ST3GAL4: variants seen among roughly 807,000 people sequenced by gnomAD.
ST3GAL4 encodes ST3 beta-galactoside alpha-2,3-sialyltransferase 4, also known as CMP-N-acetylneuraminate-beta-galactosamide-alpha-2,3-sialyltransferase 4.
A neutral mutation model predicts 42.6 loss-of-function variants in ST3GAL4; 24 were observed. That is an observed-to-expected ratio of 0.56 (90% confidence interval 0.41 to 0.79). The LOEUF is 0.79. ST3GAL4 is among the 30% of genes least tolerant of loss of function. The pLI, the probability that ST3GAL4 is intolerant of heterozygous loss-of-function variation, is 0.00. For missense variants in ST3GAL4, 311 were observed against 430.8 expected (o/e 0.72, Z 2.46); for synonymous variants, 135 against 163.2 (o/e 0.83, Z 1.32).
rs34002567 is a variant in ST3GAL4, at chr11:126,392,960, CT to C, written c.-60-13118del. Among the ~76,000 whole-genome samples the C allele has an allele frequency of 0.17, 21,512 of 127,658 alleles. 2,013 individuals carry two copies. The highest frequency in any genetic ancestry group is 0.42 in the East Asian group (1,840 of 4,348). The allele number at this position is 127,658 out of a possible 152,430, so 83.7% of individuals were successfully genotyped here. On this transcript the variant is annotated intron_variant, in intron 1 of 10. Transcript: ENST00000444328. The surrounding 1 kb of genome is among the most constrained non-coding windows in gnomAD (Gnocchi z 5.8). ...ATTTGTAACACGACCAACTCCTGTTCTTTTTTTTTTTTTTTTTTGAGACAGG... is the reference window on the plus strand; with the variant it reads ...ATTTGTAACACGACCAACTCCTGTTCTTTTTTTTTTTTTTTTTGAGACAGG...
chr11:126,381,973 C>T (rs1301935397), intron 1 of ST3GAL4, among the ~76,000 whole-genome samples: 1 of 152,122 alleles, frequency 6.6e-6, no homozygotes, highest in Admixed American at 6.5e-5. Context: ...CCCGGGCCCC[C>T]TCCCAGCCCA....
chr11:126,406,907 C>T lies in ST3GAL4; in HGVS notation c.102-36C>T. On this transcript the variant is annotated intron_variant, in intron 3 of 10. Coordinates refer to ENST00000444328, the MANE Select transcript of ST3GAL4 (RefSeq NM_001254757.2). This position sits in a 1 kb window ranked among gnomAD's most constrained non-coding sequence, Gnocchi z 5.4. ...CTGGAACATGGGTCCCTGGGTCTGA[C>T]TGGGGCTTCTGCCTCCTGTCCTTTT... The T allele has an allele frequency of 6.3e-7, 1 of 1,591,040 alleles. No homozygotes were observed. Among genetic ancestry groups the T allele is most frequent in the Non-Finnish European group, 8.6e-7 (1 of 1,159,842 alleles).
chr11:126,363,008 C>T lies in ST3GAL4; in HGVS notation c.-61+7166C>T, dbSNP rs1952299345. ...CTGCCTCTCCAGCCCCTACCTTATGCCTGGCCCATTCAGCTGGTCTGTTCT... is the reference window on the plus strand; with the variant it reads ...CTGCCTCTCCAGCCCCTACCTTATGTCTGGCCCATTCAGCTGGTCTGTTCT... On this transcript the variant is annotated intron_variant, in intron 1 of 10. Coordinates refer to ENST00000444328, the MANE Select transcript of ST3GAL4 (RefSeq NM_001254757.2). This position sits in a 1 kb window ranked among gnomAD's most constrained non-coding sequence, Gnocchi z 4.6. Among the ~76,000 whole-genome samples, 1 of 152,222 alleles carries T rather than the reference C, an allele frequency of 6.6e-6. No individual in the cohort carries two copies. Among genetic ancestry groups the T allele is most frequent in the Admixed American group, 6.5e-5 (1 of 15,282 alleles).
rs1952411321 is a variant in ST3GAL4, at chr11:126,366,011, T to G, written c.-61+10169T>G. Among the ~76,000 whole-genome samples, 1 of 152,134 alleles carries G rather than the reference T, an allele frequency of 6.6e-6. No individual in the cohort carries two copies. On this transcript the variant is annotated intron_variant, in intron 1 of 10. Transcript: ENST00000444328. This position sits in a 1 kb window ranked among gnomAD's most constrained non-coding sequence, Gnocchi z 4.2. Reference sequence around the variant, plus strand: ...GGGTCTCCTCTCAGGTGCCAGAATCTTTCTGGGAGCTGAGCCTGGCTGGGC... The same window carrying G: ...GGGTCTCCTCTCAGGTGCCAGAATCGTTCTGGGAGCTGAGCCTGGCTGGGC...
At chr11:126,372,041 A>G (rs1006559371) in intron 1 of ST3GAL4, among the ~76,000 whole-genome samples, 1 of 152,156 alleles carries the variant, frequency 6.6e-6, no homozygotes, top group African/African-American at 2.4e-5. Context: ...GGTGGTGGTT[A>G]TGATAAAATG....
chr11:126,357,637 G>A (rs1952114788), intron 1 of ST3GAL4, among the ~76,000 whole-genome samples: 1 of 152,164 alleles, frequency 6.6e-6, no homozygotes. Context: ...CTAAGAATCT[G>A]CTCCTTTCTG....
chr11:126,406,262 G>A lies in ST3GAL4; in HGVS notation c.16+91G>A. 1 of 1,548,992 alleles carries A rather than the reference G, an allele frequency of 6.5e-7. No homozygotes were observed. Among genetic ancestry groups the A allele is most frequent in the Non-Finnish European group, 8.7e-7 (1 of 1,146,492 alleles). On this transcript the variant is annotated intron_variant, in intron 2 of 10. Transcript: ENST00000444328. This position sits in a 1 kb window ranked among gnomAD's most constrained non-coding sequence, Gnocchi z 5.4. Reference sequence around the variant, plus strand: ...CCTGGGACCTCTGGGGGCTGTGGAGGGACAGACAGGGAGCCAGGGGCCCTT... The same window carrying A: ...CCTGGGACCTCTGGGGGCTGTGGAGAGACAGACAGGGAGCCAGGGGCCCTT...
At chr11:126,403,452 T>G (rs1954096137) in intron 1 of ST3GAL4, 1 of 985,292 alleles carries the variant, frequency 1.0e-6, no homozygotes, top group Admixed American at 6.1e-5. Context: ...TTGTAGTGTT[T>G]CCCGCCCAGG....
chr11:126,361,739 C>T (rs1483899000), intron 1 of ST3GAL4, among the ~76,000 whole-genome samples: 1 of 152,024 alleles, frequency 6.6e-6, no homozygotes, highest in African/African-American at 2.4e-5. Flanking sequence ...GGGGGTAGTG[C>T]CTGAGGTGGT....
intron 10 of ST3GAL4, among the ~76,000 whole-genome samples, 156 bp downstream of exon 10, chr11:126,413,804 A>G (rs181171610): frequency 5.3e-5 from 8 of 152,304 alleles, no homozygotes; most frequent in Admixed American, 4.6e-4. Context: ...AGCATCCTCC[A>G]TGTTCAGCCA....
chr11:126,391,566 G>C lies in ST3GAL4; in HGVS notation c.-60-14530G>C, dbSNP rs1953514253. ...TTCTCCTACCTAACCCCAAGAATGA[G>C]TCCTTGAGTCTGTCTCAGTAGGTGG... On this transcript the variant is annotated intron_variant, in intron 1 of 10. Coordinates refer to ENST00000444328, the MANE Select transcript of ST3GAL4 (RefSeq NM_001254757.2). This position sits in a 1 kb window ranked among gnomAD's most constrained non-coding sequence, Gnocchi z 5.5. 6.6e-6 allele frequency among the ~76,000 whole-genome samples: 1 copy of C among 152,190 alleles called. No individual in the cohort carries two copies. The highest frequency in any genetic ancestry group is 1.9e-4 in the East Asian group (1 of 5,192).
At chr11:126,401,557 G>GAAA (rs751880802) in intron 1 of ST3GAL4, among the ~76,000 whole-genome samples, 1 of 123,874 alleles carries the variant, frequency 8.1e-6, no homozygotes, top group Admixed American at 8.8e-5. Flanking sequence ...CTCCCTCTCA[G>GAAA]AAAAAAAAAA....
Position 126,407,451 on chromosome 11 carries a change from C to T in ST3GAL4, c.280+102C>T, listed in dbSNP as rs1030679510. The T allele has an allele frequency of 3.2e-6, 5 of 1,560,240 alleles. No homozygotes were observed. In the East Asian group the frequency reaches 1.1e-4, roughly 35 times the overall value. On this transcript the variant is annotated intron_variant, in intron 5 of 10. Transcript: ENST00000444328. ...CCCAGTGCCCAAGTTCTGAGCCTGA[C>T]TCGGGTACCAGGGTCAGGGGAAGAA...
Position 126,406,269 on chromosome 11 carries a change from C to G in ST3GAL4, c.16+98C>G, listed in dbSNP as rs1005689152. 10 of 1,547,706 alleles carry G rather than the reference C, an allele frequency of 6.5e-6. No homozygotes were observed. Among genetic ancestry groups the G allele is most frequent in the Non-Finnish European group, 8.7e-6 (10 of 1,145,942 alleles). ...CCTCTGGGGGCTGTGGAGGGACAGACAGGGAGCCAGGGGCCCTTCTCTTCA... is the reference window on the plus strand; with the variant it reads ...CCTCTGGGGGCTGTGGAGGGACAGAGAGGGAGCCAGGGGCCCTTCTCTTCA... On this transcript the variant is annotated intron_variant, in intron 2 of 10. Coordinates refer to ENST00000444328, the MANE Select transcript of ST3GAL4 (RefSeq NM_001254757.2). This position sits in a 1 kb window ranked among gnomAD's most constrained non-coding sequence, Gnocchi z 5.4.
At chr11:126,394,345 C>T (rs1953644513) in intron 1 of ST3GAL4, among the ~76,000 whole-genome samples, 1 of 152,250 alleles carries the variant, frequency 6.6e-6, no homozygotes, top group Non-Finnish European at 1.5e-5. Flanking sequence ...ACTCCCACCT[C>T]GTCACAGTGG....
At chr11:126,401,799 AGAGTG>A (rs1246137511) in intron 1 of ST3GAL4, among the ~76,000 whole-genome samples, 31 of 152,084 alleles carry the variant, frequency 2.0e-4, no homozygotes, top group African/African-American at 6.8e-4. Context: ...AATAAAAACA[AGAGTG>A]GAGGGAGTGG....
At chr11:126,381,077 C>T (rs769424003) in intron 1 of ST3GAL4, among the ~76,000 whole-genome samples, 7 of 152,200 alleles carry the variant, frequency 4.6e-5, no homozygotes, top group Non-Finnish European at 7.3e-5. Context: ...CTCCCCAACC[C>T]GGGCCTGTGG....
rs59203608 is a variant in ST3GAL4 at position 126,368,146 on chromosome 11, CAA to C, written c.-61+12318_-61+12319del. On this transcript the variant is annotated intron_variant, in intron 1 of 10. Transcript: ENST00000444328. ...TGGACCACAGAGTGAGACTGTCTCA[CAA>C]AAAAAAAAAAAAAGATTATGCACAG... 4.0e-3 allele frequency among the ~76,000 whole-genome samples: 499 copies of C among 125,066 alleles called. 2 individuals are homozygous for C. Among genetic ancestry groups the C allele is most frequent in the African/African-American group, 0.014 (467 of 33,932 alleles). The allele number at this position is 125,066 out of a possible 152,430, so 82.0% of individuals were successfully genotyped here.
intron 1 of ST3GAL4, among the ~76,000 whole-genome samples, chr11:126,377,702 T>C (rs1342519538): frequency 6.8e-6 from 1 of 147,128 alleles, no homozygotes; most frequent in Non-Finnish European, 1.5e-5. Flanking sequence ...TCTCAGACTC[T>C]TGACCTCAGG....
Sources: gnomAD v4.1 joint callset for allele counts (sites outside exome capture counted in the v4.1 genomes callset) on GRCh38, gnomAD v4.1.1 for gene constraint, Gnocchi (gnomAD v3.1) non-coding constraint, MANE v1.5 for transcripts, NCBI Gene and HGNC (gene_info 2026-07-23, HGNC 2026-07-21) for gene names.